Variants in COMMD1 observed in about 807,000 individuals in gnomAD.
COMMD1 encodes copper metabolism domain containing 1.
Under a neutral mutation model 17.2 loss-of-function variants are expected in COMMD1, and 10 were observed. That is an observed-to-expected ratio of 0.58 (90% CI 0.36 to 0.99). COMMD1 has a LOEUF of 0.99. COMMD1 is among the 50% of genes least tolerant of loss of function. The probability of loss-of-function intolerance (pLI) is 0.01; values close to 1 mark genes in which losing one functional copy is unlikely to be tolerated. For missense variants in COMMD1, 270 were observed against 231.8 expected (o/e 1.17, Z -1.07); for synonymous variants, 97 against 91.6 (o/e 1.06, Z -0.34).
intron 2 of COMMD1, among the ~76,000 whole-genome samples, chr2:62,086,857 GT>G (rs70946785): frequency 0.089 from 13,041 of 146,586 alleles, 676 homozygotes; most frequent in Non-Finnish European, 0.11. Context: ...TTTTGTTTTT[GT>G]TTTTTTTTTT....
intron 2 of COMMD1, among the ~76,000 whole-genome samples, chr2:62,074,330 C>A (rs1192416702): frequency 6.6e-6 from 1 of 152,236 alleles, no homozygotes; most frequent in African/African-American, 2.4e-5. Flanking sequence ...CTCAAAGCCC[C>A]ATCCCTGTAA....
intron 1 of COMMD1, among the ~76,000 whole-genome samples, chr2:61,973,319 A>G (rs776295708): frequency 6.6e-6 from 1 of 152,210 alleles, no homozygotes; most frequent in Non-Finnish European, 1.5e-5. Flanking sequence ...TTAAATTTTT[A>G]TAGATAATGC....
chr2:62,135,753 G>A (rs575057016), intron 2 of COMMD1, 78 bp from the exon 3 acceptor site: 23 of 783,246 alleles, frequency 2.9e-5, no homozygotes, highest in Middle Eastern at 2.4e-4. Flanking sequence ...GGGACCCTGG[G>A]TATTTTGAGT....
rs140287801 is a variant in COMMD1, at chr2:61,910,635, C to G, written c.180+4777C>G. ...GTTTGCGTGATCTTTATTGCTATTGCTGTTAACCTTGTGGATATGCTCAAT... is the reference window on the plus strand; with the variant it reads ...GTTTGCGTGATCTTTATTGCTATTGGTGTTAACCTTGTGGATATGCTCAAT... On this transcript the variant is annotated intron_variant, in intron 1 of 2. Coordinates refer to ENST00000311832, the MANE Select transcript of COMMD1 (RefSeq NM_152516.4). 3.5e-3 allele frequency among the ~76,000 whole-genome samples: 530 copies of G among 152,236 alleles called. 3 individuals carry two copies. The highest frequency in any genetic ancestry group is 4.9e-3 in the Non-Finnish European group (335 of 68,018).
chr2:62,001,225 G>T, intron 2 of COMMD1: 1 of 490,346 alleles, frequency 2.0e-6, no homozygotes, highest in Non-Finnish European at 3.7e-6. Flanking sequence ...TAATGTGATT[G>T]CTCAGAAGCT....
intron 2 of COMMD1, among the ~76,000 whole-genome samples, chr2:62,130,131 C>A (rs1252563252): frequency 6.8e-6 from 1 of 147,536 alleles, no homozygotes; most frequent in Non-Finnish European, 1.5e-5. Flanking sequence ...GCCGAGATCG[C>A]GCCAGTGAGC....
At chr2:62,046,605 G>T (rs992866108) in intron 2 of COMMD1, among the ~76,000 whole-genome samples, 13 of 152,194 alleles carry the variant, frequency 8.5e-5, no homozygotes, top group African/African-American at 3.1e-4. Context: ...GTAAAGAGAA[G>T]ACCTTATGAA....
At chr2:61,995,899 G>T (rs1558553509) in intron 1 of COMMD1, among the ~76,000 whole-genome samples, 1 of 152,170 alleles carries the variant, frequency 6.6e-6, no homozygotes, top group Non-Finnish European at 1.5e-5. Flanking sequence ...CTTGGGTTTG[G>T]TTCCAGGTGG....
At chr2:62,042,566 G>A (rs557396379) in intron 2 of COMMD1, among the ~76,000 whole-genome samples, 44 of 152,234 alleles carry the variant, frequency 2.9e-4, no homozygotes, top group Non-Finnish European at 5.3e-4. Flanking sequence ...CGGAACCCGC[G>A]AGCGCCGAGC....
chr2:62,047,752 C>T (rs1032457191), intron 2 of COMMD1, among the ~76,000 whole-genome samples: 4 of 152,140 alleles, frequency 2.6e-5, no homozygotes, highest in Non-Finnish European at 5.9e-5. Context: ...TTCGCCTGGC[C>T]GGTAAATGCC....
At chr2:62,021,003 C>CAAA (rs754379532) in intron 2 of COMMD1, among the ~76,000 whole-genome samples, 1 of 100,974 alleles carries the variant, frequency 9.9e-6, no homozygotes, top group Non-Finnish European at 2.1e-5. Context: ...AAGTCCGTCT[C>CAAA]AAAAAAAAAA....
At chr2:62,050,825 A>G (rs754611281) in intron 2 of COMMD1, among the ~76,000 whole-genome samples, 2 of 152,194 alleles carry the variant, frequency 1.3e-5, no homozygotes, top group Non-Finnish European at 2.9e-5. Context: ...TAGTCGAAGA[A>G]CATGAACTTT....
At chr2:62,077,037 G>A (rs182177709) in intron 2 of COMMD1, among the ~76,000 whole-genome samples, 364 of 152,192 alleles carry the variant, frequency 2.4e-3, no homozygotes, top group African/African-American at 8.2e-3. Context: ...AGGCTGAGGT[G>A]GCAAGATCGT....
At chr2:61,975,451 T>C (rs1344868485) in intron 1 of COMMD1, among the ~76,000 whole-genome samples, 1 of 152,192 alleles carries the variant, frequency 6.6e-6, no homozygotes, top group Non-Finnish European at 1.5e-5. Context: ...GCCAAAGTTT[T>C]ATCCAAAGTG....
intron 2 of COMMD1, among the ~76,000 whole-genome samples, chr2:62,045,465 C>G (rs1232867463): frequency 2.6e-5 from 4 of 152,012 alleles, no homozygotes; most frequent in African/African-American, 7.2e-5. Flanking sequence ...ATTCTTGTGG[C>G]CTTTGATTAG....
chr2:62,123,373 C>T (rs1320134218), intron 2 of COMMD1, among the ~76,000 whole-genome samples: 9 of 151,094 alleles, frequency 6.0e-5, no homozygotes, highest in South Asian at 4.2e-4. Context: ...GGTGTGGTGG[C>T]GCGCACCTGT....
rs184824183 is a variant in COMMD1, at chr2:62,075,086, G to A, written c.463-60745G>A. Among the ~76,000 whole-genome samples the A allele has an allele frequency of 2.2e-4, 33 of 151,742 alleles. No individual in the cohort carries two copies. The East Asian group carries it at 5.8e-3, about 27-fold the overall frequency. On this transcript the variant is annotated intron_variant, in intron 2 of 2. Transcript: ENST00000311832. Reference sequence around the variant, plus strand: ...GTATTTTTAGTAGAGACAGGGTTTCGCCATGTAGACCAGGCTGGTCTCAAA... The same window carrying A: ...GTATTTTTAGTAGAGACAGGGTTTCACCATGTAGACCAGGCTGGTCTCAAA...
intron 1 of COMMD1, among the ~76,000 whole-genome samples, chr2:62,000,250 A>G (rs1375698424): frequency 6.9e-6 from 1 of 144,874 alleles, no homozygotes; most frequent in East Asian, 2.0e-4. Flanking sequence ...ATGACCTTTT[A>G]TTAAAATTTA....
chr2:61,891,285 A>G (rs142375156), intron 1 of COMMD1, among the ~76,000 whole-genome samples: 1 of 152,354 alleles, frequency 6.6e-6, no homozygotes, highest in Non-Finnish European at 1.5e-5. Context: ...TGCTTTAAGT[A>G]TCTGAAATGT....
Sources: allele counts gnomAD v4.1 joint callset (sites outside exome capture counted in the v4.1 genomes callset), GRCh38; gene constraint gnomAD v4.1.1; transcripts MANE v1.5; gene names NCBI Gene and HGNC (gene_info 2026-07-23, HGNC 2026-07-21).